Variants in DACH1 observed in about 807,000 individuals in gnomAD.
DACH1 encodes dachshund homolog 1.
Under a neutral mutation model 54.2 loss-of-function variants are expected in DACH1, and 12 were observed. The observed-to-expected ratio is 0.22, with a 90% CI of 0.14 to 0.36. DACH1 has a LOEUF of 0.36. Among genes scored for constraint, DACH1 ranks in the 10% least tolerant of loss-of-function variants. The pLI is 1.00. For synonymous variants in DACH1, 386 were observed against 366.2 expected (o/e 1.05, Z -0.62); for missense variants, 805 against 929.8 (o/e 0.87, Z 1.75).
At chr13:71,648,765 C>T (rs535643759) in intron 2 of DACH1, among the ~76,000 whole-genome samples, 2 of 152,000 alleles carry the variant, frequency 1.3e-5, no homozygotes, top group Non-Finnish European at 2.9e-5. Context: ...ACATTAGATG[C>T]CATAGGACGC....
chr13:71,850,770 AAATGACTCCTTTAGAATATGCTGAATG>A (rs1296451424), intron 1 of DACH1, among the ~76,000 whole-genome samples: 3 of 152,236 alleles, frequency 2.0e-5, no homozygotes, highest in African/African-American at 7.2e-5. Flanking sequence ...TCACTCTGAC[AAATGACTCCTTTAGAATATGCTGAATG>A]AATGCACAGC....
chr13:71,651,411 AG>A (rs1392402287), intron 2 of DACH1, among the ~76,000 whole-genome samples: 1 of 151,890 alleles, frequency 6.6e-6, no homozygotes, highest in African/African-American at 2.4e-5. Context: ...AAAGAGAAAA[AG>A]AAAACAAAAT....
chr13:71,776,797 G>C (rs1031692919), intron 1 of DACH1, among the ~76,000 whole-genome samples: 5 of 152,056 alleles, frequency 3.3e-5, no homozygotes, highest in Non-Finnish European at 7.4e-5. Context: ...AAACCCTGCT[G>C]TTGCTTTTAC....
intron 6 of DACH1, among the ~76,000 whole-genome samples, chr13:71,554,858 T>C (rs1300066152): frequency 6.6e-6 from 1 of 152,094 alleles, no homozygotes; most frequent in Non-Finnish European, 1.5e-5. Context: ...AATAAATAAG[T>C]AGAGAGATTG....
intron 2 of DACH1, among the ~76,000 whole-genome samples, chr13:71,670,849 A>G (rs1880166169): frequency 6.6e-6 from 1 of 152,040 alleles, no homozygotes; most frequent in Non-Finnish European, 1.5e-5. Flanking sequence ...TTTTGATGTA[A>G]TAAAAAGATT....
chr13:71,664,994 T>G (rs1484237689), intron 2 of DACH1, among the ~76,000 whole-genome samples: 1 of 151,886 alleles, frequency 6.6e-6, no homozygotes, highest in Non-Finnish European at 1.5e-5. Context: ...ACACAGAGAT[T>G]TACTACTAAT....
At chr13:71,621,521 T>C (rs766889914) in intron 3 of DACH1, among the ~76,000 whole-genome samples, 2 of 152,044 alleles carry the variant, frequency 1.3e-5, no homozygotes, top group Non-Finnish European at 2.9e-5. Flanking sequence ...GTGCAGACAT[T>C]AAATAATAAC....
At position 71,475,746 on chromosome 13, in the gene DACH1, T is replaced by C. The variant is rs977830624; in HGVS notation, c.1974A>G (p.Leu658=). The C allele has an allele frequency of 6.2e-7, 1 of 1,613,696 alleles. No homozygotes were observed. The highest frequency in any genetic ancestry group is 8.5e-7 in the Non-Finnish European group (1 of 1,179,892). Residue 658 remains leucine (L), a synonymous_variant, in exon 9 of 11, where the codon CTA becomes CTG. Transcript: ENST00000613252. ...TKRREQAEQT[L]KQAASTDSLR... ...GACTATCTGTTGAAGCTGCCTGTTT[T>C]AGCGTCTGTTCTGCTTGTTCACGCC...
At chr13:71,558,257 C>T (rs1884378117) in intron 5 of DACH1, among the ~76,000 whole-genome samples, 1 of 151,810 alleles carries the variant, frequency 6.6e-6, no homozygotes, top group Non-Finnish European at 1.5e-5. Context: ...GGATGACAAA[C>T]ACATAAGAAT....
At chr13:71,676,233 G>C (rs376556174) in intron 2 of DACH1, among the ~76,000 whole-genome samples, 28 of 150,508 alleles carry the variant, frequency 1.9e-4, no homozygotes, top group South Asian at 1.0e-3. Flanking sequence ...TTTTTTTTTT[G>C]TTGAGATGGA....
At chr13:71,470,002 T>C (rs1327096963) in intron 10 of DACH1, among the ~76,000 whole-genome samples, 1 of 152,220 alleles carries the variant, frequency 6.6e-6, no homozygotes, top group African/African-American at 2.4e-5. Context: ...TAGTCTAAGA[T>C]GTCAGAGGAA....
chr13:71,493,779 CA>C lies in DACH1; in HGVS notation c.1571-4632del, dbSNP rs75166769. Among the ~76,000 whole-genome samples, 327 of 152,106 alleles carry C rather than the reference CA, an allele frequency of 2.1e-3. 2 individuals carry two copies. Among genetic ancestry groups the C allele is most frequent in the East Asian group, 0.02 (103 of 5,172 alleles). On this transcript the variant is annotated intron_variant, in intron 6 of 10. Coordinates refer to ENST00000613252, the MANE Select transcript of DACH1 (RefSeq NM_080759.6). ...TAAAAAATTATTTAAGTGGGCTTCT[CA>C]CCTATTATGATGAAGAGTAACAATG...
intron 3 of DACH1, among the ~76,000 whole-genome samples, chr13:71,596,311 C>T (rs868215462): frequency 6.6e-6 from 1 of 152,008 alleles, no homozygotes; most frequent in African/African-American, 2.4e-5. Flanking sequence ...CACTGCATGC[C>T]GTGTGAGTCA....
chr13:71,444,975 C>G (rs118115697), intron 10 of DACH1, among the ~76,000 whole-genome samples: 4,875 of 152,156 alleles, frequency 0.032, 112 homozygotes, highest in Non-Finnish European at 0.045. Context: ...TTGAACTTCT[C>G]TACAAAGAGC....
At chr13:71,637,663 T>C (rs750225407) in intron 2 of DACH1, among the ~76,000 whole-genome samples, 3 of 152,306 alleles carry the variant, frequency 2.0e-5, no homozygotes, top group Non-Finnish European at 1.5e-5. Context: ...GTTAGAATAT[T>C]CTTTCACTTT....
chr13:71,636,658 G>C (rs550326481), intron 2 of DACH1, among the ~76,000 whole-genome samples: 1 of 151,344 alleles, frequency 6.6e-6, no homozygotes, highest in African/African-American at 2.4e-5. Flanking sequence ...AAGATAATAA[G>C]TCATATATTG....
intron 1 of DACH1, among the ~76,000 whole-genome samples, chr13:71,816,839 T>C (rs1173358594): frequency 6.6e-6 from 1 of 151,864 alleles, no homozygotes; most frequent in Non-Finnish European, 1.5e-5. Context: ...ATGTTCTCAC[T>C]TATAAGTGGG....
At chr13:71,531,505 T>A (rs74962050) in intron 6 of DACH1, among the ~76,000 whole-genome samples, 4,267 of 152,064 alleles carry the variant, frequency 0.028, 200 homozygotes, top group African/African-American at 0.096. Context: ...AACTTTATAA[T>A]CTCATATGAG....
chr13:71,651,735 T>C (rs1878701522), intron 2 of DACH1, among the ~76,000 whole-genome samples: 1 of 151,950 alleles, frequency 6.6e-6, no homozygotes, highest in Admixed American at 6.6e-5. Flanking sequence ...TGTGTATATA[T>C]ATGTGTGCAT....
Sources: gnomAD v4.1 joint callset for allele counts (sites outside exome capture counted in the v4.1 genomes callset) on GRCh38, gnomAD v4.1.1 for gene constraint, MANE v1.5 for transcripts, NCBI Gene and HGNC (gene_info 2026-07-23, HGNC 2026-07-21) for gene names.